CLOCK: variants seen among roughly 807,000 people sequenced by gnomAD.
CLOCK encodes clock circadian regulator.
Under a neutral mutation model 118.4 loss-of-function variants are expected in CLOCK, and 43 were observed. The observed-to-expected ratio is 0.36, with a 90% confidence interval of 0.28 to 0.47. The LOEUF is 0.47. Among genes scored for constraint, CLOCK ranks in the 20% least tolerant of loss-of-function variants. The pLI is 1.00. For synonymous variants in CLOCK, 326 were observed against 339.2 expected (o/e 0.96, Z 0.43); for missense variants, 846 against 999.9 (o/e 0.85, Z 2.08).
At chr4:55,489,650 A>T (rs1727538083) in intron 2 of CLOCK, among the ~76,000 whole-genome samples, 185 bp from the exon 3 acceptor site, 1 of 152,184 alleles carries the variant, frequency 6.6e-6, no homozygotes, top group Non-Finnish European at 1.5e-5. Flanking sequence ...ATAAACTAAA[A>T]CAATCACTTA....
At chr4:55,543,134 T>A (rs887980827) in intron 1 of CLOCK, among the ~76,000 whole-genome samples, 2 of 152,118 alleles carry the variant, frequency 1.3e-5, no homozygotes, top group African/African-American at 2.4e-5. Context: ...CCCAGGCTGG[T>A]CCTGAAATCC....
chr4:55,544,462 AG>A (rs1731479966), intron 1 of CLOCK, among the ~76,000 whole-genome samples: 2 of 152,248 alleles, frequency 1.3e-5, no homozygotes, highest in African/African-American at 4.8e-5. Context: ...AAATGTAAAC[AG>A]TCATATATTT....
rs1467923513 is a variant in CLOCK, at chr4:55,428,021, A to T, written c.*7394T>A. 1 of 152,228 alleles carries T rather than the reference A, an allele frequency of 6.6e-6. No individual in the cohort carries two copies. The highest frequency in any genetic ancestry group is 1.5e-5 in the Non-Finnish European group (1 of 68,038). The allele number at this position is 152,228 out of a possible 1,614,324, so 9.4% of individuals were successfully genotyped here. ...TTGAGAAATGCAGGTGATAACTGAA[A>T]AACATAGCACTGAGGTATTTTTTAT... On this transcript the variant is annotated 3_prime_UTR_variant, in exon 23 of 23. Coordinates refer to ENST00000513440, the MANE Select transcript of CLOCK (RefSeq NM_004898.4).
In CLOCK at chr4:55,479,712, G is replaced by A. The variant is rs371283166; in HGVS notation, c.48-13C>T. ...ACTACTGTCATCTCTAAAAGAAAGCGGATAGAGAAAGTAAGAGCAGACTCA... is the reference window on the plus strand; with the variant it reads ...ACTACTGTCATCTCTAAAAGAAAGCAGATAGAGAAAGTAAGAGCAGACTCA... On this transcript the variant is annotated splice_polypyrimidine_tract_variant and intron_variant, in intron 4 of 22. Coordinates refer to ENST00000513440, the MANE Select transcript of CLOCK (RefSeq NM_004898.4). 108 of 1,610,216 alleles carry A rather than the reference G, an allele frequency of 6.7e-5. No homozygotes were observed. The East Asian group carries it at 7.2e-4, about 11-fold the overall frequency.
rs868148337 is a variant in CLOCK, at chr4:55,543,138, G to A, written c.-290+3644C>T. Among the ~76,000 whole-genome samples the A allele has an allele frequency of 3.3e-4, 50 of 152,236 alleles. No individual in the cohort carries two copies. In the Middle Eastern group the frequency reaches 0.02, roughly 62 times the overall value. ...TCACTATGTTGCCCAGGCTGGTCCT[G>A]AAATCCTGGGCTCAAGCCATTCTCC... On this transcript the variant is annotated intron_variant, in intron 1 of 22. Coordinates refer to ENST00000513440, the MANE Select transcript of CLOCK (RefSeq NM_004898.4).
intron 7 of CLOCK, among the ~76,000 whole-genome samples, chr4:55,471,195 T>C (rs1726123741): frequency 6.6e-6 from 1 of 152,246 alleles, no homozygotes; most frequent in Non-Finnish European, 1.5e-5. Flanking sequence ...TACTTTGTTA[T>C]TATCATGGAT....
Position 55,435,577 on chromosome 4 carries a change from A to G in CLOCK, c.2379T>C (p.His793=). 6.2e-7 allele frequency: 1 copy of G among 1,613,940 alleles called. No individual in the cohort carries two copies. Among genetic ancestry groups the G allele is most frequent in the Non-Finnish European group, 8.5e-7 (1 of 1,179,868 alleles). ...GAATGAGTTGAGTTGAGGGATTCCC[A>G]TGGAGCAACCTAGAAGTCTAAAAAA... ...QQFLQTSRLL[H]GNPSTQLILS... Residue 793 remains histidine (H), a synonymous_variant, in exon 23 of 23, where the codon CAT becomes CAC. Transcript: ENST00000513440.
chr4:55,545,224 T>C (rs375124559), intron 1 of CLOCK, among the ~76,000 whole-genome samples: 62 of 152,260 alleles, frequency 4.1e-4, no homozygotes, highest in African/African-American at 1.4e-3. Context: ...TTTCAAGACA[T>C]TCTGTTCAGC....
intron 4 of CLOCK, among the ~76,000 whole-genome samples, chr4:55,480,459 T>TC (rs1445062411): frequency 1.3e-5 from 2 of 151,978 alleles, no homozygotes; most frequent in African/African-American, 4.8e-5. Context: ...AGAGATGGGG[T>TC]CTTGCTATGT....
At chr4:55,538,061 G>A (rs902064529) in intron 1 of CLOCK, among the ~76,000 whole-genome samples, 2 of 152,034 alleles carry the variant, frequency 1.3e-5, no homozygotes, top group South Asian at 4.1e-4. Flanking sequence ...AGGGAAAAGG[G>A]GAGCAGAGAC....
intron 9 of CLOCK, 27 bp from the exon 10 acceptor site, chr4:55,459,288 A>C (rs199924442): frequency 7.5e-7 from 1 of 1,333,134 alleles, no homozygotes; most frequent in East Asian, 2.3e-5. Context: ...TTTAAAAATC[A>C]CATATTTCTG....
chr4:55,508,615 C>T (rs577449764), intron 2 of CLOCK, among the ~76,000 whole-genome samples: 31 of 146,458 alleles, frequency 2.1e-4, no homozygotes, highest in African/African-American at 7.0e-4. Flanking sequence ...TTTTTTGAGA[C>T]GGAGTCTTGC....
chr4:55,448,603 T>G (rs6854356), intron 18 of CLOCK, among the ~76,000 whole-genome samples, 176 bp downstream of exon 18: 1 of 27,922 alleles, frequency 3.6e-5, no homozygotes. Flanking sequence ...CACGCGCGCG[T>G]GTGTGTGTGT....
intron 7 of CLOCK, among the ~76,000 whole-genome samples, chr4:55,473,053 G>A (rs1205957673): frequency 2.0e-5 from 3 of 152,028 alleles, no homozygotes; most frequent in Non-Finnish European, 4.4e-5. Flanking sequence ...GTGAAAGCTC[G>A]TCTCTACTAA....
At chr4:55,544,183 CA>C (rs2110130647) in intron 1 of CLOCK, among the ~76,000 whole-genome samples, 1 of 152,094 alleles carries the variant, frequency 6.6e-6, no homozygotes, top group African/African-American at 2.4e-5. Flanking sequence ...CACACACACA[CA>C]CACACACACA....
chr4:55,443,020 T>A (rs1723500059), intron 20 of CLOCK, among the ~76,000 whole-genome samples: 1 of 152,148 alleles, frequency 6.6e-6, no homozygotes, highest in South Asian at 2.1e-4. Flanking sequence ...GAATATTCAA[T>A]AAACCATTAT....
chr4:55,482,805 T>C lies in CLOCK; in HGVS notation c.-20A>G. 1.3e-6 allele frequency: 2 copies of C among 1,595,320 alleles called. No individual in the cohort carries two copies. The highest frequency in any genetic ancestry group is 1.3e-5 in the African/African-American group (1 of 74,678). On this transcript the variant is annotated 5_prime_UTR_variant, in exon 4 of 23. Coordinates refer to ENST00000513440, the MANE Select transcript of CLOCK (RefSeq NM_004898.4). ...CAACATAACATACTACGTTTTCGTC[T>C]TGTAGTAGACATTTGTACTTCTCCT... is the stretch of plus-strand genomic sequence containing the variant.
chr4:55,487,412 T>C (rs1057446843), intron 3 of CLOCK, among the ~76,000 whole-genome samples: 1 of 152,214 alleles, frequency 6.6e-6, no homozygotes, highest in Non-Finnish European at 1.5e-5. Flanking sequence ...GAATTCTCAA[T>C]GTCAGAATCT....
At chr4:55,521,207 T>C (rs975323211) in intron 1 of CLOCK, among the ~76,000 whole-genome samples, 1 of 152,170 alleles carries the variant, frequency 6.6e-6, no homozygotes, top group Non-Finnish European at 1.5e-5. Context: ...GTCACATAAA[T>C]TCAAATTTCT....
Sources: allele counts gnomAD v4.1 joint callset (sites outside exome capture counted in the v4.1 genomes callset), GRCh38; gene constraint gnomAD v4.1.1; transcripts MANE v1.5; gene names NCBI Gene and HGNC (gene_info 2026-07-23, HGNC 2026-07-21).